The following CNGA3 variants were observed in gnomAD, a reference collection of about 807,000 sequenced individuals.
CNGA3 encodes cyclic nucleotide-gated channel alpha-3.
A neutral mutation model predicts 46.6 loss-of-function variants in CNGA3; 42 were observed. The ratio of observed to expected loss-of-function variants is 0.90; its 90% CI spans 0.70 to 1.17. The LOEUF (loss-of-function observed/expected upper bound fraction) is 1.17. Ranked by LOEUF, CNGA3 falls within the 50% of genes most tolerant of loss-of-function variation. The pLI, the probability that CNGA3 is intolerant of heterozygous loss-of-function variation, is 0.00. For synonymous variants in CNGA3, 394 were observed against 369.4 expected (o/e 1.07, Z -0.76); for missense variants, 893 against 890.7 (o/e 1.00, Z -0.03).
In CNGA3 at chr2:98,377,706, G is replaced by T; in HGVS notation, c.121G>T (p.Glu41Ter). Residue 41 changes from glutamate (E) to a stop codon, truncating the protein, a stop_gained, in exon 3 of 8, where the codon GAG becomes TAG. Transcript: ENST00000272602. LOFTEE classifies it high-confidence loss of function. ...GLSRAHSSSE[E>*]TSSVLQPGIA... ...TCCTAGAGCCCACTCGTCAAGTGAG[G>T]AGACATCGTCAGTGCTGCAGCCGGG... 6.2e-7 allele frequency: 1 copy of T among 1,613,400 alleles called. No individual in the cohort carries two copies. The highest frequency in any genetic ancestry group is 1.1e-5 in the South Asian group (1 of 90,950).
At chr2:98,377,564 A>G in intron 2 of CNGA3, 123 bp from the exon 3 acceptor site, 1 of 897,316 alleles carries the variant, frequency 1.1e-6, no homozygotes, top group Non-Finnish European at 1.8e-6. Context: ...AGCCCCTGGG[A>G]TGAGGATCTG....
Position 98,386,496 on chromosome 2 carries a change from A to T in CNGA3, c.449+3055A>T, listed in dbSNP as rs899633670. 6.6e-5 allele frequency among the ~76,000 whole-genome samples: 10 copies of T among 152,330 alleles called. No homozygotes were observed. In the Middle Eastern group the frequency reaches 0.01, roughly 155 times the overall value. ...TTTGCGTGCCGCCACGTAAGATGTG[A>T]CTTTGCTCCTCATCTGCCTTCCACC... On this transcript the variant is annotated intron_variant, in intron 5 of 7. Transcript: ENST00000272602.
chr2:98,350,541 C>T (rs1204311870), intron 1 of CNGA3, among the ~76,000 whole-genome samples: 1 of 152,174 alleles, frequency 6.6e-6, no homozygotes, highest in Non-Finnish European at 1.5e-5. Flanking sequence ...CAATCTCAAC[C>T]TGAACAGCTG....
intron 2 of CNGA3, among the ~76,000 whole-genome samples, chr2:98,374,671 G>T (rs1341702575): frequency 1.3e-5 from 2 of 152,142 alleles, no homozygotes; most frequent in Non-Finnish European, 2.9e-5. Flanking sequence ...CCATCTGCCT[G>T]GTAAAATCAG....
chr2:98,396,307 C>T lies in CNGA3; in HGVS notation c.1137C>T (p.Leu379=). The T allele has an allele frequency of 6.2e-7, 1 of 1,611,272 alleles. No homozygotes were observed. The highest frequency in any genetic ancestry group is 8.5e-7 in the Non-Finnish European group (1 of 1,177,878). Residue 379 remains leucine (L), a synonymous_variant, in exon 8 of 8, where the codon CTC becomes CTT. Transcript: ENST00000272602. ...CCCCCGTGAAAGATGAGGAGTATCTCTTTGTGGTCGTAGACTTCTTGGTGG... is the reference window on the plus strand; with the variant it reads ...CCCCCGTGAAAGATGAGGAGTATCTTTTTGTGGTCGTAGACTTCTTGGTGG... The part of the protein sequence containing the change: ...TPPPVKDEEY[L]FVVVDFLVGV...
chr2:98,362,401 G>A (rs552540855), intron 1 of CNGA3, among the ~76,000 whole-genome samples: 11 of 150,466 alleles, frequency 7.3e-5, no homozygotes, highest in South Asian at 2.1e-4. Context: ...GGCTGGTATC[G>A]AACTCCTGAC....
At chr2:98,377,468 C>T (rs1327445765) in intron 2 of CNGA3, 2 of 557,252 alleles carry the variant, frequency 3.6e-6, no homozygotes, top group Non-Finnish European at 6.6e-6. Context: ...TAGCCCTGGA[C>T]AGTAGCTACC....
chr2:98,369,291 G>A (rs1357016599), intron 1 of CNGA3, among the ~76,000 whole-genome samples: 1 of 152,198 alleles, frequency 6.6e-6, no homozygotes, highest in African/African-American at 2.4e-5. Flanking sequence ...GATTTCACAA[G>A]GATTGTGCCA....
intron 1 of CNGA3, 96 bp from the exon 2 acceptor site, chr2:98,369,843 A>AG (rs1692244294): frequency 4.0e-6 from 3 of 744,918 alleles, no homozygotes; most frequent in Admixed American, 2.0e-5. Flanking sequence ...CAGGGCTTGC[A>AG]GGGGGGCCGC....
chr2:98,392,203 C>T (rs1435093660), intron 7 of CNGA3, among the ~76,000 whole-genome samples: 1 of 152,192 alleles, frequency 6.6e-6, no homozygotes, highest in African/African-American at 2.4e-5. Context: ...GCTCTTCCAA[C>T]AAGCTGTATG....
chr2:98,378,554 C>T (rs1257676184), intron 3 of CNGA3, among the ~76,000 whole-genome samples: 1 of 152,190 alleles, frequency 6.6e-6, no homozygotes, highest in Non-Finnish European at 1.5e-5. Context: ...AAGAAATTCA[C>T]ATATCTATTT....
At chr2:98,371,742 A>G (rs1692292949) in intron 2 of CNGA3, among the ~76,000 whole-genome samples, 1 of 152,234 alleles carries the variant, frequency 6.6e-6, no homozygotes, top group Admixed American at 6.5e-5. Context: ...AAGAACAAAG[A>G]ACACTATTAG....
chr2:98,362,910 T>C (rs1692065381), intron 1 of CNGA3, among the ~76,000 whole-genome samples: 2 of 152,236 alleles, frequency 1.3e-5, no homozygotes, highest in Non-Finnish European at 2.9e-5. Context: ...AAATAGGGAA[T>C]CCTTTCCCCA....
intron 5 of CNGA3, among the ~76,000 whole-genome samples, chr2:98,388,670 C>T (rs13003266): frequency 2.6e-5 from 4 of 152,258 alleles, no homozygotes; most frequent in Admixed American, 6.5e-5. Flanking sequence ...ATGTGCCCCC[C>T]ACCCGAAGCA....
intron 1 of CNGA3, among the ~76,000 whole-genome samples, chr2:98,354,770 G>A (rs1215531265): frequency 6.6e-6 from 1 of 152,178 alleles, no homozygotes; most frequent in African/African-American, 2.4e-5. Flanking sequence ...GGGTGACACA[G>A]TGAGACTCTG....
rs2104254412 is a variant in CNGA3, at chr2:98,398,441, C to T, written c.*1186C>T. On this transcript the variant is annotated 3_prime_UTR_variant, in exon 8 of 8. Coordinates refer to ENST00000272602, the MANE Select transcript of CNGA3 (RefSeq NM_001298.3). Reference sequence around the variant, plus strand: ...AGTCTTTCTTCTTTCTTTCCTTTTTCCTTTCTTCTTCCTTTCCTTTTTTCT... The same window carrying T: ...AGTCTTTCTTCTTTCTTTCCTTTTTTCTTTCTTCTTCCTTTCCTTTTTTCT... 1 of 152,132 alleles carries T rather than the reference C, an allele frequency of 6.6e-6. No homozygotes were observed. Among genetic ancestry groups the T allele is most frequent in the East Asian group, 1.9e-4 (1 of 5,180 alleles). 9.4% of individuals were successfully genotyped at this position (152,132 alleles called of 1,614,324 possible).
intron 1 of CNGA3, among the ~76,000 whole-genome samples, chr2:98,358,701 T>G (rs1691947930): frequency 6.6e-6 from 1 of 152,222 alleles, no homozygotes; most frequent in South Asian, 2.1e-4. Context: ...TCCTGATTTT[T>G]TAATGTATTT....
chr2:98,355,592 T>C (rs1691862745), intron 1 of CNGA3, among the ~76,000 whole-genome samples: 1 of 152,248 alleles, frequency 6.6e-6, no homozygotes, highest in Non-Finnish European at 1.5e-5. Context: ...AACTCTTATA[T>C]AAAGATAGCA....
In CNGA3 at chr2:98,370,018, C is replaced by T; in HGVS notation, c.43C>T (p.His15Tyr). ...CCAATACTCCCACCCCTCCAGGACC[C>T]ACCTCAAGGTAAAGACCTCAGACCG... Reference protein sequence around the residue: ...NTQYSHPSRTHLKVKTSDRDL... With the variant: ...NTQYSHPSRTYLKVKTSDRDL... The change falls in exon 2 of 8, where the codon CAC (histidine) becomes TAC (tyrosine). Residue 15 changes from histidine (H) to tyrosine (Y), a missense_variant. Transcript: ENST00000272602. 6.2e-7 allele frequency: 1 copy of T among 1,614,078 alleles called. No homozygotes were observed. Among genetic ancestry groups the T allele is most frequent in the Non-Finnish European group, 8.5e-7 (1 of 1,179,992 alleles).
Sources: allele counts gnomAD v4.1 joint callset (sites outside exome capture counted in the v4.1 genomes callset), GRCh38; gene constraint gnomAD v4.1.1; transcripts MANE v1.5; gene names NCBI Gene and HGNC (gene_info 2026-07-23, HGNC 2026-07-21).